Variants in NKD1 observed in about 807,000 individuals in gnomAD.
NKD1 encodes the protein NKD inhibitor of Wnt signaling pathway 1.
Under a neutral mutation model 56.0 loss-of-function variants are expected in NKD1, and 21 were observed. The ratio of observed to expected loss-of-function variants is 0.38; its 90% CI spans 0.27 to 0.54. The LOEUF (loss-of-function observed/expected upper bound fraction) is 0.54, where lower values mean the gene tolerates loss of function less well. Ranked by LOEUF, NKD1 falls within the 20% of genes least tolerant of loss-of-function variation. The pLI, the probability that NKD1 is intolerant of heterozygous loss-of-function variation, is 0.82. For synonymous variants in NKD1, 263 were observed against 265.7 expected, an observed-to-expected ratio of 0.99 and a Z score of 0.10; for missense variants, 578 against 642.7, an observed-to-expected ratio of 0.90 and a Z score of 1.09.
At chr16:50,592,796 T>A (rs1961397461) in intron 3 of NKD1, among the ~76,000 whole-genome samples, 1 of 151,622 alleles carries the variant, frequency 6.6e-6, no homozygotes, top group Non-Finnish European at 1.5e-5. Flanking sequence ...GGGGGCGGAA[T>A]TGAAGGCATG....
At chr16:50,630,429 T>G (rs1962318795) in intron 7 of NKD1, 96 bp downstream of exon 7, 2 of 1,401,752 alleles carry the variant, frequency 1.4e-6, no homozygotes, top group Non-Finnish European at 2.0e-6. Flanking sequence ...CCTGTGGGCT[T>G]TCTGGGGCAG....
chr16:50,612,273 A>G, intron 4 of NKD1, among the ~76,000 whole-genome samples: 1 of 152,170 alleles, frequency 6.6e-6, no homozygotes, highest in East Asian at 1.9e-4. Context: ...CAGGGGTCAG[A>G]TGTTGGGCAA....
chr16:50,616,104 A>G, intron 4 of NKD1: 1 of 455,872 alleles, frequency 2.2e-6, no homozygotes, highest in Non-Finnish European at 4.4e-6. Context: ...TGAGACTAAA[A>G]TATTTGCAGC....
At chr16:50,571,051 C>T in intron 3 of NKD1, 1 of 957,996 alleles carries the variant, frequency 1.0e-6, no homozygotes, top group South Asian at 4.8e-5. Context: ...TGCTGGACAT[C>T]TCCTCCCTGG....
At chr16:50,613,653 C>T (rs963469432) in intron 4 of NKD1, 1 of 142,242 alleles carries the variant, frequency 7.0e-6, no homozygotes, top group African/African-American at 2.6e-5. Context: ...GAAATTCTGA[C>T]TTGTGTCAGA....
At position 50,562,993 on chromosome 16, in the gene NKD1, C is replaced by CT. The variant is rs1411898551; in HGVS notation, c.192+13438_192+13439insT. On this transcript the variant is annotated intron_variant, in intron 3 of 9. Transcript: ENST00000268459. ...CTGCTAGGTCCCACCACCACCCCCC[C>CT]CCCCCGCCGTAGAATGGGTAGAAGA... 2.2e-4 allele frequency among the ~76,000 whole-genome samples: 29 copies of CT among 129,594 alleles called. 1 individual carries two copies. The highest frequency in any genetic ancestry group is 9.3e-4 in the African/African-American group (28 of 29,948). The allele number at this position is 129,594 out of a possible 152,430, so 85.0% of individuals were successfully genotyped here.
intron 3 of NKD1, chr16:50,573,787 C>T: frequency 1.0e-6 from 1 of 984,598 alleles, no homozygotes; most frequent in Non-Finnish European, 1.2e-6. Flanking sequence ...CCTGGTGATT[C>T]TGATTCAGTT....
At chr16:50,579,886 A>G (rs1375388901) in intron 3 of NKD1, among the ~76,000 whole-genome samples, 2 of 151,924 alleles carry the variant, frequency 1.3e-5, no homozygotes, top group Admixed American at 1.3e-4. Flanking sequence ...GCTACCTGCT[A>G]CACACGCACT....
chr16:50,577,776 C>T (rs1482426321), intron 3 of NKD1, among the ~76,000 whole-genome samples: 1 of 152,146 alleles, frequency 6.6e-6, no homozygotes, highest in Non-Finnish European at 1.5e-5. Flanking sequence ...CTTTGTAAGC[C>T]ATTCTTAATC....
chr16:50,630,431 C>T (rs777196944), intron 7 of NKD1, 98 bp downstream of exon 7: 11 of 1,346,952 alleles, frequency 8.2e-6, no homozygotes, highest in Non-Finnish European at 1.1e-5. Context: ...TGTGGGCTTT[C>T]TGGGGCAGCT....
intron 3 of NKD1, among the ~76,000 whole-genome samples, chr16:50,588,671 C>T (rs924113893): frequency 3.7e-5 from 5 of 134,340 alleles, no homozygotes; most frequent in South Asian, 2.4e-4. Flanking sequence ...GGTGTGATCT[C>T]GGTTCACTGC....
chr16:50,601,032 A>G (rs887690017), intron 3 of NKD1, among the ~76,000 whole-genome samples: 7 of 152,240 alleles, frequency 4.6e-5, no homozygotes, highest in African/African-American at 7.2e-5. Context: ...TTGCTGCTCA[A>G]TGTCTTTGGC....
chr16:50,582,984 C>T (rs112202199), intron 3 of NKD1, among the ~76,000 whole-genome samples: 5 of 152,050 alleles, frequency 3.3e-5, no homozygotes, highest in Non-Finnish European at 2.9e-5. Flanking sequence ...TCCAGCCTGG[C>T]GACAGCGCGA....
At chr16:50,556,882 A>T (rs1237535111) in intron 3 of NKD1, 4 of 151,708 alleles carry the variant, frequency 2.6e-5, no homozygotes, top group Non-Finnish European at 4.4e-5. Flanking sequence ...CCTTATATAT[A>T]TTTTTTAACT....
At chr16:50,576,536 G>A (rs1170653552) in intron 3 of NKD1, among the ~76,000 whole-genome samples, 1 of 152,164 alleles carries the variant, frequency 6.6e-6, no homozygotes, top group Non-Finnish European at 1.5e-5. Context: ...TTAGAGGACA[G>A]GATTTGGGGT....
chr16:50,620,502 G>A (rs1024025695), intron 4 of NKD1, among the ~76,000 whole-genome samples: 3 of 152,296 alleles, frequency 2.0e-5, no homozygotes, highest in Middle Eastern at 6.8e-3. Context: ...GGTCAGGGTG[G>A]AGGGGCCAGG....
chr16:50,629,309 G>A (rs1490147084), intron 6 of NKD1, among the ~76,000 whole-genome samples: 1 of 152,080 alleles, frequency 6.6e-6, no homozygotes, highest in East Asian at 1.9e-4. Flanking sequence ...CCGCCTTCAT[G>A]ACCTCGTTTA....
chr16:50,567,615 A>G (rs1009671825), intron 3 of NKD1, among the ~76,000 whole-genome samples: 1 of 152,188 alleles, frequency 6.6e-6, no homozygotes, highest in Non-Finnish European at 1.5e-5. Context: ...GGCCAAGGAC[A>G]GGCCACAGGT....
intron 6 of NKD1, among the ~76,000 whole-genome samples, chr16:50,629,180 C>T (rs1001827670): frequency 1.3e-5 from 2 of 152,036 alleles, no homozygotes. Context: ...CCAGGCTGGT[C>T]TTGAACTTCT....
Sources: allele counts gnomAD v4.1 joint callset (sites outside exome capture counted in the v4.1 genomes callset), GRCh38; gene constraint gnomAD v4.1.1; transcripts MANE v1.5; gene names NCBI Gene and HGNC (gene_info 2026-07-23, HGNC 2026-07-21).